The following EIF4A1 variants were observed in gnomAD, a reference collection of about 807,000 sequenced individuals.
EIF4A1 encodes eukaryotic initiation factor 4A-I.
EIF4A1 carries 11 observed loss-of-function variants against 53.5 expected under a neutral mutation model. The observed-to-expected ratio is 0.21, with a 90% CI of 0.13 to 0.34. EIF4A1 has a LOEUF of 0.34. Ranked by LOEUF, EIF4A1 falls within the 10% of genes least tolerant of loss-of-function variation. The pLI is 1.00. For missense variants in EIF4A1, 213 were observed against 530.8 expected (o/e 0.40, Z 5.88); for synonymous variants, 237 against 186.7 (o/e 1.27, Z -2.20).
chr17:7,576,904 C>A, intron 5 of EIF4A1, 152 bp from the exon 6 acceptor site: 2 of 1,330,700 alleles, frequency 1.5e-6, no homozygotes, highest in Non-Finnish European at 1.1e-6. Context: ...CTGTTGTCTG[C>A]CTGGCGGGAA....
At chr17:7,575,413 T>G (rs1396705258) in intron 4 of EIF4A1, 155 bp downstream of exon 4, 3 of 1,130,900 alleles carry the variant, frequency 2.7e-6, no homozygotes, top group South Asian at 2.6e-5. Context: ...AAGCTATTTC[T>G]TACCCAAACG....
chr17:7,578,275 C>G (rs1028459108), intron 10 of EIF4A1, 31 bp downstream of exon 10: 3 of 1,614,054 alleles, frequency 1.9e-6, no homozygotes, highest in East Asian at 4.5e-5. Flanking sequence ...CTCCCCTACC[C>G]CTTCACACCT....
At chr17:7,576,266 A>G in intron 4 of EIF4A1, 1 of 369,520 alleles carries the variant, frequency 2.7e-6, no homozygotes, top group Non-Finnish European at 4.8e-6. Flanking sequence ...AAAGAAACTG[A>G]ATTAATTATC....
Position 7,577,084 on chromosome 17 carries a change from G to A in EIF4A1, c.543G>A (p.Leu181=). 1 of 1,613,166 alleles carries A rather than the reference G, an allele frequency of 6.2e-7. No homozygotes were observed. The highest frequency in any genetic ancestry group is 8.5e-7 in the Non-Finnish European group (1 of 1,179,810). The change falls in exon 6 of 11, where the codon CTG becomes CTA. Residue 181 remains leucine (L), a synonymous_variant. Transcript: ENST00000293831. This position sits in a 1 kb window ranked among gnomAD's most constrained non-coding sequence, Gnocchi z 4.7. ...CCAAATACATCAAGATGTTTGTACT[G>A]GATGAAGCTGACGAAATGTTAAGCC... ...LSPKYIKMFV[L]DEADEMLSRG...
chr17:7,573,626 G>A (rs1435823123), intron 1 of EIF4A1: 2 of 154,658 alleles, frequency 1.3e-5, no homozygotes, highest in African/African-American at 4.8e-5. Flanking sequence ...GACGCCGCCG[G>A]GTGGTCGAGG....
At chr17:7,574,012 G>A (rs2150924330) in intron 1 of EIF4A1, 1 of 519,182 alleles carries the variant, frequency 1.9e-6, no homozygotes, top group Non-Finnish European at 3.4e-6. Context: ...CACGCCTGCC[G>A]GCCTGTCTTC....
At chr17:7,573,270 G>C (rs1771355888) in intron 1 of EIF4A1, 7 of 351,512 alleles carry the variant, frequency 2.0e-5, no homozygotes, top group South Asian at 2.9e-5. Flanking sequence ...GGGTTCCGGA[G>C]CATTCTGACG....
rs1472708110 is a variant in EIF4A1, at chr17:7,578,686, G to A, written c.*200G>A. 7 of 456,058 alleles carry A rather than the reference G, an allele frequency of 1.5e-5. No homozygotes were observed. The highest frequency in any genetic ancestry group is 8.6e-5 in the Admixed American group (2 of 23,124). The allele number at this position is 456,058 out of a possible 1,614,324, so 28.3% of individuals were successfully genotyped here. Reference sequence around the variant, plus strand: ...TTTGGGGTAGGCTCTTGCCCCAGGCGCCGGCTCTTCTCCCAAAAAAAAAAA... The same window carrying A: ...TTTGGGGTAGGCTCTTGCCCCAGGCACCGGCTCTTCTCCCAAAAAAAAAAA... On this transcript the variant is annotated 3_prime_UTR_variant, in exon 11 of 11. Transcript: ENST00000293831.
At chr17:7,576,764 G>A (rs746388912) in intron 5 of EIF4A1, 72 bp downstream of exon 5, 4 of 1,559,266 alleles carry the variant, frequency 2.6e-6, no homozygotes, top group South Asian at 1.2e-5. Context: ...TTCAGCGTAA[G>A]CCAGAGTCAT....
rs745307202 is a variant in EIF4A1, at chr17:7,572,841, C to T, written c.-1C>T. 2.2e-5 allele frequency: 36 copies of T among 1,614,052 alleles called. No homozygotes were observed. Among genetic ancestry groups the T allele is most frequent in the Non-Finnish European group, 3.0e-5 (35 of 1,179,984 alleles). ...GCACTCCGCCCTAGTTTCTAAGGAT[C>T]ATGTCTGCGAGCCAGGATTCCCGGT... is the stretch of plus-strand genomic sequence containing the variant. On this transcript the variant is annotated 5_prime_UTR_variant, in exon 1 of 11. Transcript: ENST00000293831.
rs749537023 is a variant in EIF4A1, at chr17:7,578,325, C to T, written c.1077-17C>T. ...TTAAAGCTCCTGATATTCCTCATCC[C>T]CTTCCTTGTTTTCCAGAATCGGTCG... is the stretch of plus-strand genomic sequence containing the variant. On this transcript the variant is annotated splice_polypyrimidine_tract_variant and intron_variant, in intron 10 of 10. Transcript: ENST00000293831. 1.6e-5 allele frequency: 25 copies of T among 1,612,782 alleles called. 1 individual carries two copies. The highest frequency in any genetic ancestry group is 1.9e-5 in the Non-Finnish European group (22 of 1,179,212).
At chr17:7,574,197 G>T in intron 1 of EIF4A1, 63 bp from the exon 2 acceptor site, 2 of 1,588,606 alleles carry the variant, frequency 1.3e-6, no homozygotes, top group South Asian at 1.1e-5. Context: ...ACAGAGCCCG[G>T]CTGTCAGGAT....
Position 7,572,974 on chromosome 17 carries a change from C to G in EIF4A1, c.23+110C>G, listed in dbSNP as rs1250972631. 10 of 1,593,422 alleles carry G rather than the reference C, an allele frequency of 6.3e-6. No homozygotes were observed. In the African/African-American group the frequency reaches 1.1e-4, roughly 17 times the overall value. On this transcript the variant is annotated intron_variant, in intron 1 of 10. Transcript: ENST00000293831. The stretch of plus-strand genomic sequence containing the variant: ...ACCAGGGTTGCGGGAGAAACCGAAC[C>G]GGGTGGGGGGAGGGTCCGACTTGGA...
Position 7,578,329 on chromosome 17 carries a change from C to A in EIF4A1, c.1077-13C>A. ...AGCTCCTGATATTCCTCATCCCCTT[C>A]CTTGTTTTCCAGAATCGGTCGAGGT... On this transcript the variant is annotated splice_polypyrimidine_tract_variant and intron_variant, in intron 10 of 10. Coordinates refer to ENST00000293831, the MANE Select transcript of EIF4A1 (RefSeq NM_001416.4). 1.9e-6 allele frequency: 3 copies of A among 1,612,790 alleles called. No individual in the cohort carries two copies. The highest frequency in any genetic ancestry group is 2.5e-6 in the Non-Finnish European group (3 of 1,179,124).
chr17:7,574,802 G>C (rs748670696), intron 3 of EIF4A1, 124 bp downstream of exon 3: 1 of 1,531,140 alleles, frequency 6.5e-7, no homozygotes, highest in East Asian at 2.2e-5. Context: ...ATCCCAGCTT[G>C]GCTTTTGATC....
chr17:7,577,037 CTTTT>C lies in EIF4A1; in HGVS notation c.515-13_515-10del, dbSNP rs767835311. 1.2e-6 allele frequency: 2 copies of C among 1,603,948 alleles called. No homozygotes were observed. The highest frequency in any genetic ancestry group is 1.3e-5 in the African/African-American group (1 of 74,540). ...TCCCTAATCATATGCTATATATTGG[CTTTT>C]TTTTTCTTCTCTAGCCCCCAAATAC... On this transcript the variant is annotated splice_polypyrimidine_tract_variant and intron_variant, in intron 5 of 10. Transcript: ENST00000293831. The surrounding 1 kb of genome is among the most constrained non-coding windows in gnomAD (Gnocchi z 4.7).
chr17:7,572,913 C>T (rs925675004), intron 1 of EIF4A1, 49 bp downstream of exon 1: 80 of 1,613,990 alleles, frequency 5.0e-5, no homozygotes, highest in Non-Finnish European at 6.8e-5. Flanking sequence ...TTGCCGCCCC[C>T]TTCCGACGGG....
rs973318934 is a variant in EIF4A1 at position 7,578,701 on chromosome 17, A to C, written c.*215A>C. 71 of 101,998 alleles carry C rather than the reference A, an allele frequency of 7.0e-4. No individual in the cohort carries two copies. Among genetic ancestry groups the C allele is most frequent in the African/African-American group, 9.3e-4 (28 of 29,962 alleles). The allele number at this position is 101,998 out of a possible 1,614,324, so 6.3% of individuals were successfully genotyped here. On this transcript the variant is annotated 3_prime_UTR_variant, in exon 11 of 11. Transcript: ENST00000293831. ...TGCCCCAGGCGCCGGCTCTTCTCCC[A>C]AAAAAAAAAAAAAAACACTAATCCA...
intron 4 of EIF4A1, 55 bp downstream of exon 4, chr17:7,575,313 A>G (rs2150925335): frequency 1.2e-6 from 2 of 1,610,452 alleles, no homozygotes; most frequent in Middle Eastern, 3.3e-4. Context: ...GATGAGTATA[A>G]TCCAAGGACC....
Sources: gnomAD v4.1 joint callset for allele counts on GRCh38, gnomAD v4.1.1 for gene constraint, Gnocchi (gnomAD v3.1) non-coding constraint, MANE v1.5 for transcripts, NCBI Gene and HGNC (gene_info 2026-07-23, HGNC 2026-07-21) for gene names.